Variants in SPATA33 observed in about 807,000 individuals in gnomAD.
SPATA33 encodes spermatogenesis associated 33.
SPATA33 carries 10 observed loss-of-function variants against 8.9 expected under a neutral mutation model. That is an observed-to-expected ratio of 1.12 (90% CI 0.69 to 1.90). The LOEUF is 1.90. Ranked by LOEUF, SPATA33 falls within the 40% of genes most tolerant of loss-of-function variation. The probability of loss-of-function intolerance (pLI) is 0.00; values close to 1 mark genes in which losing one functional copy is unlikely to be tolerated. For missense variants in SPATA33, 241 were observed against 178.3 expected, an observed-to-expected ratio of 1.35 and a Z score of -2.00; for synonymous variants, 96 against 72.8, an observed-to-expected ratio of 1.32 and a Z score of -1.63.
At chr16:89,665,347 C>G (rs1277340661) in intron 2 of SPATA33, among the ~76,000 whole-genome samples, 1 of 150,102 alleles carries the variant, frequency 6.7e-6, no homozygotes, top group Non-Finnish European at 1.5e-5. Flanking sequence ...CTGTCGCCAC[C>G]CAGGCTGGAC....
chr16:89,663,761 C>T (rs2059991554), intron 2 of SPATA33, among the ~76,000 whole-genome samples: 1 of 152,086 alleles, frequency 6.6e-6, no homozygotes, highest in African/African-American at 2.4e-5. Context: ...CGTAGCTGTA[C>T]ATACACTCAT....
At chr16:89,665,869 C>G (rs1336682469) in intron 2 of SPATA33, among the ~76,000 whole-genome samples, 28 of 151,984 alleles carry the variant, frequency 1.8e-4, no homozygotes, top group Non-Finnish European at 2.9e-5. Flanking sequence ...CACTTGAGGT[C>G]AGGAGTTCAA....
Position 89,658,725 on chromosome 16 carries a change from G to A in SPATA33, c.211+304G>A. On this transcript the variant is annotated intron_variant, in intron 2 of 2. Coordinates refer to ENST00000579310, the MANE Select transcript of SPATA33 (RefSeq NM_001271907.2). ...GTTCTCCTCGAGGGCTGGGTATCTTGGTGCCACTGAGAATCCCTGAGCCTC... is the reference window on the plus strand; with the variant it reads ...GTTCTCCTCGAGGGCTGGGTATCTTAGTGCCACTGAGAATCCCTGAGCCTC... 3 of 429,092 alleles carry A rather than the reference G, an allele frequency of 7.0e-6. No individual in the cohort carries two copies. In the South Asian group the frequency reaches 7.7e-5, roughly 11 times the overall value. The allele number at this position is 429,092 out of a possible 1,614,324, so 26.6% of individuals were successfully genotyped here.
At chr16:89,668,970 G>A (rs562409650) in intron 2 of SPATA33, among the ~76,000 whole-genome samples, 1 of 152,296 alleles carries the variant, frequency 6.6e-6, no homozygotes, top group Non-Finnish European at 1.5e-5. Flanking sequence ...CTCTGAGGCG[G>A]TTCCTGCCTG....
chr16:89,660,692 T>G, intron 2 of SPATA33: 1 of 784,382 alleles, frequency 1.3e-6, no homozygotes, highest in African/African-American at 1.8e-5. Context: ...AAGGCACATT[T>G]ACAGAGAGAA....
chr16:89,661,671 C>T lies in SPATA33; in HGVS notation c.211+3250C>T, dbSNP rs566037134. ...AGAACTAACATCACAGATTTACAGTCACCTTATTCCACAATGTTGGAAATT... is the reference window on the plus strand; with the variant it reads ...AGAACTAACATCACAGATTTACAGTTACCTTATTCCACAATGTTGGAAATT... On this transcript the variant is annotated intron_variant, in intron 2 of 2. Transcript: ENST00000579310. 5.3e-5 allele frequency among the ~76,000 whole-genome samples: 8 copies of T among 152,258 alleles called. No homozygotes were observed. In the East Asian group the frequency reaches 1.5e-3, roughly 29 times the overall value.
At chr16:89,664,900 A>G (rs997182193) in intron 2 of SPATA33, among the ~76,000 whole-genome samples, 2 of 152,190 alleles carry the variant, frequency 1.3e-5, no homozygotes, top group Admixed American at 6.5e-5. Flanking sequence ...CAGTAAGATG[A>G]TAAGTGGATG....
At chr16:89,661,257 A>C in intron 2 of SPATA33, 1 of 968,328 alleles carries the variant, frequency 1.0e-6, no homozygotes, top group Non-Finnish European at 1.2e-6. Flanking sequence ...GAATTCCCAC[A>C]TGTGGGAGGA....
At position 89,669,744 on chromosome 16, in the gene SPATA33, C is replaced by G; in HGVS notation, c.*247C>G. 1 of 541,936 alleles carries G rather than the reference C, an allele frequency of 1.8e-6. No individual in the cohort carries two copies. The highest frequency in any genetic ancestry group is 5.1e-4 in the Middle Eastern group (1 of 1,948). The allele number at this position is 541,936 out of a possible 1,614,324, so 33.6% of individuals were successfully genotyped here. ...TGCTCTCAGGGAGGGTGCACCAGGCCTGCCCCCGCCGTGAGAAACTGCAGT... is the reference window on the plus strand; with the variant it reads ...TGCTCTCAGGGAGGGTGCACCAGGCGTGCCCCCGCCGTGAGAAACTGCAGT... On this transcript the variant is annotated 3_prime_UTR_variant, in exon 3 of 3. Coordinates refer to ENST00000579310, the MANE Select transcript of SPATA33 (RefSeq NM_001271907.2).
rs1219802468 is a variant in SPATA33 at position 89,657,897 on chromosome 16, G to A, written c.-15G>A. On this transcript the variant is annotated 5_prime_UTR_variant, in exon 1 of 3. Coordinates refer to ENST00000579310, the MANE Select transcript of SPATA33 (RefSeq NM_001271907.2). ...GGGACCCGGGCTTGCGTCGGAGGGG[G>A]CGGTGGGCTCACCCATGGGCCTTTC... 2.0e-6 allele frequency: 3 copies of A among 1,517,606 alleles called. No homozygotes were observed. The highest frequency in any genetic ancestry group is 2.6e-6 in the Non-Finnish European group (3 of 1,139,758). The allele number at this position is 1,517,606 out of a possible 1,614,324, so 94.0% of individuals were successfully genotyped here.
intron 2 of SPATA33, chr16:89,661,194 A>G: frequency 1.0e-6 from 1 of 985,436 alleles, no homozygotes; most frequent in Non-Finnish European, 1.2e-6. Context: ...TCACTGTGGC[A>G]GCTGTTAGGA....
chr16:89,665,414 C>T (rs1265806766), intron 2 of SPATA33, among the ~76,000 whole-genome samples: 1 of 152,096 alleles, frequency 6.6e-6, no homozygotes, highest in East Asian at 1.9e-4. Flanking sequence ...ATGCCATTCT[C>T]CTGTCTCAGC....
At chr16:89,664,482 G>A (rs1276749075) in intron 2 of SPATA33, among the ~76,000 whole-genome samples, 2 of 152,158 alleles carry the variant, frequency 1.3e-5, no homozygotes, top group Non-Finnish European at 2.9e-5. Context: ...TGAGTTTGAC[G>A]TCATCAAAAT....
At chr16:89,660,467 A>G in intron 2 of SPATA33, 1 of 1,231,922 alleles carries the variant, frequency 8.1e-7, no homozygotes, top group Non-Finnish European at 1.0e-6. Context: ...GTGGACATGA[A>G]GGGAAAACAG....
chr16:89,660,427 G>A, intron 2 of SPATA33: 1 of 1,225,516 alleles, frequency 8.2e-7, no homozygotes. Flanking sequence ...CCCCAGCAGT[G>A]TCTGTCACAC....
chr16:89,669,236 G>C (rs780611377), intron 2 of SPATA33, 50 bp from the exon 3 acceptor site: 1 of 1,557,262 alleles, frequency 6.4e-7, no homozygotes, highest in African/African-American at 1.4e-5. Context: ...GTGCATCGTG[G>C]AAGGAGCTTT....
At chr16:89,665,000 A>T (rs956403598) in intron 2 of SPATA33, among the ~76,000 whole-genome samples, 1 of 152,140 alleles carries the variant, frequency 6.6e-6, no homozygotes, top group Non-Finnish European at 1.5e-5. Flanking sequence ...GAAGAGTCAC[A>T]TTTATTCTTT....
intron 2 of SPATA33, among the ~76,000 whole-genome samples, chr16:89,666,689 AG>A (rs2060030601): frequency 6.6e-6 from 1 of 152,160 alleles, no homozygotes; most frequent in Non-Finnish European, 1.5e-5. Context: ...CCCAAATGCC[AG>A]GCTGCACTGA....
intron 2 of SPATA33, among the ~76,000 whole-genome samples, chr16:89,668,540 G>A (rs374755650): frequency 1.3e-5 from 2 of 152,316 alleles, no homozygotes; most frequent in East Asian, 3.9e-4. Context: ...CTGAACAGCT[G>A]TGCCCTAGCT....
Sources: allele counts gnomAD v4.1 joint callset (sites outside exome capture counted in the v4.1 genomes callset), GRCh38; gene constraint gnomAD v4.1.1; transcripts MANE v1.5; gene names NCBI Gene and HGNC (gene_info 2026-07-23, HGNC 2026-07-21).